PKN2: variants seen among roughly 807,000 people sequenced by gnomAD.
PKN2 encodes serine/threonine-protein kinase N2.
In PKN2, 38 loss-of-function variants were observed where a neutral mutation model predicts 119.1. The ratio of observed to expected loss-of-function variants is 0.32; its 90% CI spans 0.25 to 0.42. PKN2 has a LOEUF of 0.42. PKN2 is among the 10% of genes least tolerant of loss of function. The probability of loss-of-function intolerance (pLI) is 1.00; values close to 1 mark genes in which losing one functional copy is unlikely to be tolerated. For synonymous variants in PKN2, 390 were observed against 384.9 expected, an observed-to-expected ratio of 1.01 and a Z score of -0.15; for missense variants, 850 against 1,165.1, an observed-to-expected ratio of 0.73 and a Z score of 3.94.
rs1214461290 is a variant in PKN2, at chr1:88,835,781, A to G, written c.*2333A>G. 1 of 152,368 alleles carries G rather than the reference A, an allele frequency of 6.6e-6. No homozygotes were observed. Among genetic ancestry groups the G allele is most frequent in the Non-Finnish European group, 1.5e-5 (1 of 67,910 alleles). 9.4% of individuals were successfully genotyped at this position (152,368 alleles called of 1,614,324 possible). ...AAATTATCACAAATGCACAAATTAA[A>G]GTCTATATAGATTGAAATTTGTAAC... On this transcript the variant is annotated 3_prime_UTR_variant, in exon 22 of 22. Transcript: ENST00000370521.
At chr1:88,721,812 G>C (rs1667691139) in intron 1 of PKN2, among the ~76,000 whole-genome samples, 1 of 152,172 alleles carries the variant, frequency 6.6e-6, no homozygotes, top group African/African-American at 2.4e-5. Flanking sequence ...TTTGAATTTA[G>C]GGTGCTTGGA....
chr1:88,781,758 C>T (rs775246355), intron 6 of PKN2, among the ~76,000 whole-genome samples: 3 of 152,022 alleles, frequency 2.0e-5, no homozygotes, highest in Non-Finnish European at 4.4e-5. Context: ...AAGTAGTAGC[C>T]AGATGTTTTC....
At chr1:88,691,773 A>G (rs1311904301) in intron 1 of PKN2, among the ~76,000 whole-genome samples, 2 of 152,210 alleles carry the variant, frequency 1.3e-5, no homozygotes, top group Non-Finnish European at 2.9e-5. Flanking sequence ...ACTGTGGTCC[A>G]AAAATAGGTG....
chr1:88,714,387 C>T (rs537434024), intron 1 of PKN2, among the ~76,000 whole-genome samples: 17 of 152,226 alleles, frequency 1.1e-4, no homozygotes, highest in Non-Finnish European at 1.9e-4. Context: ...TGGCCATTTT[C>T]ACGATATTGA....
At chr1:88,801,511 C>T (rs1215282969) in intron 8 of PKN2, among the ~76,000 whole-genome samples, 1 of 152,120 alleles carries the variant, frequency 6.6e-6, no homozygotes, top group Non-Finnish European at 1.5e-5. Flanking sequence ...TTATTCAAAC[C>T]ATGCTGGATG....
intron 8 of PKN2, among the ~76,000 whole-genome samples, chr1:88,789,813 C>T (rs1031311362): frequency 1.3e-5 from 2 of 151,980 alleles, no homozygotes; most frequent in Non-Finnish European, 2.9e-5. Context: ...TAAACCACCG[C>T]ACTCCTATTC....
chr1:88,705,029 T>G (rs558651395), intron 1 of PKN2, among the ~76,000 whole-genome samples: 2 of 152,130 alleles, frequency 1.3e-5, no homozygotes, highest in African/African-American at 4.8e-5. Context: ...AGTTATTTTC[T>G]TATTGAATGT....
chr1:88,753,841 C>T (rs1669097724), intron 2 of PKN2, among the ~76,000 whole-genome samples: 1 of 152,052 alleles, frequency 6.6e-6, no homozygotes, highest in Non-Finnish European at 1.5e-5. Context: ...CTTAGTTTGA[C>T]ATGAGATTGG....
At chr1:88,775,351 C>T (rs1470538495) in intron 6 of PKN2, among the ~76,000 whole-genome samples, 1 of 152,186 alleles carries the variant, frequency 6.6e-6, no homozygotes, top group East Asian at 1.9e-4. Context: ...CAGTTGGAAT[C>T]TTAACAGTAT....
intron 1 of PKN2, among the ~76,000 whole-genome samples, chr1:88,696,275 T>C (rs902608107): frequency 3.9e-5 from 6 of 152,176 alleles, no homozygotes; most frequent in Non-Finnish European, 8.8e-5. Context: ...TTGCAGAAAA[T>C]AGAAACCCAC....
At chr1:88,692,375 A>G (rs934402169) in intron 1 of PKN2, among the ~76,000 whole-genome samples, 8 of 152,134 alleles carry the variant, frequency 5.3e-5, no homozygotes, top group Admixed American at 1.3e-4. Context: ...AGTTCCTATT[A>G]TATACCTAGA....
chr1:88,695,084 G>A (rs1239267028), intron 1 of PKN2, among the ~76,000 whole-genome samples: 4 of 151,574 alleles, frequency 2.6e-5, no homozygotes, highest in South Asian at 4.2e-4. Flanking sequence ...CCGAGATTGC[G>A]CCACTGCACT....
intron 20 of PKN2, 51 bp from the exon 21 acceptor site, chr1:88,833,026 A>G (rs1289367967): frequency 6.7e-7 from 1 of 1,482,794 alleles, no homozygotes; most frequent in East Asian, 2.5e-5. Context: ...CTTATCAGTG[A>G]ATTTTATTCT....
At chr1:88,792,139 T>C (rs1310787242) in intron 8 of PKN2, among the ~76,000 whole-genome samples, 1 of 152,198 alleles carries the variant, frequency 6.6e-6, no homozygotes, top group Admixed American at 6.5e-5. Flanking sequence ...GTGCGTTGGC[T>C]CACGCCTGTA....
intron 6 of PKN2, among the ~76,000 whole-genome samples, chr1:88,772,311 T>A (rs1287192772): frequency 6.6e-6 from 1 of 152,258 alleles, no homozygotes; most frequent in Non-Finnish European, 1.5e-5. Context: ...TGTTGTAGTA[T>A]GTATGAGTAC....
At chr1:88,691,761 C>G (rs559048435) in intron 1 of PKN2, among the ~76,000 whole-genome samples, 71 of 152,232 alleles carry the variant, frequency 4.7e-4, no homozygotes, top group Middle Eastern at 3.4e-3. Flanking sequence ...TACCCATGGT[C>G]AACTGTGGTC....
intron 1 of PKN2, among the ~76,000 whole-genome samples, chr1:88,705,746 C>G (rs112472119): frequency 5.6e-4 from 85 of 152,074 alleles, no homozygotes; most frequent in African/African-American, 2.0e-3. Flanking sequence ...GCCTTTATAT[C>G]TTTGTCAGAA....
chr1:88,793,200 G>C (rs907244838), intron 8 of PKN2, among the ~76,000 whole-genome samples: 2 of 152,166 alleles, frequency 1.3e-5, no homozygotes, highest in Non-Finnish European at 2.9e-5. Context: ...TGTATGGTCT[G>C]TAAGTGTTTG....
At chr1:88,721,466 G>C (rs1479196630) in intron 1 of PKN2, among the ~76,000 whole-genome samples, 1 of 152,006 alleles carries the variant, frequency 6.6e-6, no homozygotes, top group Non-Finnish European at 1.5e-5. Context: ...GGACACAGTG[G>C]GGGGCTTGCC....
Sources: allele counts gnomAD v4.1 joint callset (sites outside exome capture counted in the v4.1 genomes callset), GRCh38; gene constraint gnomAD v4.1.1; transcripts MANE v1.5; gene names NCBI Gene and HGNC (gene_info 2026-07-23, HGNC 2026-07-21).